Variants in SRGAP1 observed in about 807,000 individuals in gnomAD.
The protein encoded by SRGAP1 is SLIT-ROBO Rho GTPase activating protein 1.
In SRGAP1, 43 loss-of-function variants were observed where a neutral mutation model predicts 121.9. That is an observed-to-expected ratio of 0.35 (90% CI 0.28 to 0.46). The LOEUF (loss-of-function observed/expected upper bound fraction) is 0.46. Among genes scored for constraint, SRGAP1 ranks in the 20% least tolerant of loss-of-function variants. The pLI, the probability that SRGAP1 is intolerant of heterozygous loss-of-function variation, is 1.00. For missense variants in SRGAP1, 1,102 were observed against 1,350.9 expected, an observed-to-expected ratio of 0.82 and a Z score of 2.89; for synonymous variants, 447 against 485.4, an observed-to-expected ratio of 0.92 and a Z score of 1.04.
chr12:63,983,741 GC>G (rs1391181283), intron 1 of SRGAP1: 1 of 148,040 alleles, frequency 6.8e-6, no homozygotes, highest in Non-Finnish European at 1.5e-5. Context: ...CTGCACTCCA[GC>G]CTGGGCAACA....
intron 6 of SRGAP1, among the ~76,000 whole-genome samples, chr12:64,057,983 C>G (rs1565660797): frequency 2.0e-5 from 3 of 152,274 alleles, no homozygotes; most frequent in Non-Finnish European, 4.4e-5. Flanking sequence ...ATGGTAACTC[C>G]TGTTTTAGGA....
At chr12:64,121,035 C>T (rs1592340802) in intron 18 of SRGAP1, among the ~76,000 whole-genome samples, 1 of 133,304 alleles carries the variant, frequency 7.5e-6, no homozygotes, top group South Asian at 2.4e-4. Context: ...TTCTGTGAGA[C>T]AGGGTTTCCA....
intron 17 of SRGAP1, among the ~76,000 whole-genome samples, chr12:64,115,102 C>T (rs1401152189): frequency 6.6e-6 from 1 of 152,054 alleles, no homozygotes; most frequent in Admixed American, 6.6e-5. Flanking sequence ...GGTAAAGATG[C>T]CACAAGCAGT....
chr12:63,928,757 C>T (rs1035492499), intron 1 of SRGAP1, among the ~76,000 whole-genome samples: 2 of 152,078 alleles, frequency 1.3e-5, no homozygotes, highest in Admixed American at 6.5e-5. Flanking sequence ...GAGCCCCGAG[C>T]TTGTTTTCCT....
At position 63,870,836 on chromosome 12, in the gene SRGAP1, A is replaced by G. The variant is rs531428905; in HGVS notation, c.67+25953A>G. Reference sequence around the variant, plus strand: ...ATTCCATTGAGTCCAATGTGTCCCAAAGTGCTGGGATTAGGGATTATAGGA... The same window carrying G: ...ATTCCATTGAGTCCAATGTGTCCCAGAGTGCTGGGATTAGGGATTATAGGA... On this transcript the variant is annotated intron_variant, in intron 1 of 21. Coordinates refer to ENST00000355086, the MANE Select transcript of SRGAP1 (RefSeq NM_020762.4). Among the ~76,000 whole-genome samples the G allele has an allele frequency of 1.2e-4, 19 of 152,204 alleles. No individual in the cohort carries two copies. In the South Asian group the frequency reaches 3.5e-3, roughly 28 times the overall value.
intron 1 of SRGAP1, among the ~76,000 whole-genome samples, chr12:63,860,054 A>G (rs1899394227): frequency 6.6e-6 from 1 of 152,158 alleles, no homozygotes; most frequent in Non-Finnish European, 1.5e-5. Context: ...TGCCCAGGCT[A>G]AAGTGCAGTG....
At chr12:63,851,025 A>G (rs2136253521) in intron 1 of SRGAP1, among the ~76,000 whole-genome samples, 1 of 152,092 alleles carries the variant, frequency 6.6e-6, no homozygotes, top group East Asian at 2.0e-4. Flanking sequence ...GTGTGGTAGC[A>G]TGTATCTATA....
chr12:64,057,906 T>C (rs765419230), intron 6 of SRGAP1, among the ~76,000 whole-genome samples: 3 of 152,192 alleles, frequency 2.0e-5, no homozygotes, highest in Non-Finnish European at 4.4e-5. Context: ...GCAACCCTGG[T>C]GAACGACTGT....
chr12:63,863,463 G>A (rs901453356), intron 1 of SRGAP1, among the ~76,000 whole-genome samples: 1 of 151,908 alleles, frequency 6.6e-6, no homozygotes, highest in Non-Finnish European at 1.5e-5. Context: ...GTAGAGATGG[G>A]GTTTCACCAT....
chr12:63,943,503 G>A (rs1161431590), intron 1 of SRGAP1, among the ~76,000 whole-genome samples: 1 of 152,192 alleles, frequency 6.6e-6, no homozygotes, highest in Non-Finnish European at 1.5e-5. Context: ...TTGAGGCAAA[G>A]GGAAGTTAAA....
intron 14 of SRGAP1, 107 bp downstream of exon 14, chr12:64,095,311 T>G (rs2036133798): frequency 2.2e-6 from 2 of 897,872 alleles, no homozygotes; most frequent in East Asian, 2.5e-5. Flanking sequence ...TTTCTTTGTA[T>G]GTACTGCATT....
At chr12:64,088,608 C>T (rs1034835201) in intron 11 of SRGAP1, among the ~76,000 whole-genome samples, 1 of 152,176 alleles carries the variant, frequency 6.6e-6, no homozygotes, top group African/African-American at 2.4e-5. Flanking sequence ...GCTCTGTTCA[C>T]TTGATGTGGG....
Position 63,947,316 on chromosome 12 carries a change from T to G in SRGAP1, c.68-36631T>G, listed in dbSNP as rs552057397. 1.0e-3 allele frequency among the ~76,000 whole-genome samples: 157 copies of G among 152,316 alleles called. No homozygotes were observed. In the Middle Eastern group the frequency reaches 0.014, roughly 13 times the overall value. ...AACATTTGGTATTGTGGGTCTTAAA[T>G]TTTAGGCAATCTAGTGACTGTGTAT... is the stretch of plus-strand genomic sequence containing the variant. On this transcript the variant is annotated intron_variant, in intron 1 of 21. Transcript: ENST00000355086.
chr12:63,865,954 C>T (rs545392826), intron 1 of SRGAP1, among the ~76,000 whole-genome samples: 2 of 152,228 alleles, frequency 1.3e-5, no homozygotes, highest in East Asian at 1.9e-4. Context: ...TCATCGTTGT[C>T]GGTTGTGGTA....
chr12:63,946,733 C>T (rs1462351875), intron 1 of SRGAP1, among the ~76,000 whole-genome samples: 4 of 151,882 alleles, frequency 2.6e-5, no homozygotes, highest in Non-Finnish European at 5.9e-5. Flanking sequence ...TTAGTAGAGA[C>T]GGGGTTTCTC....
At position 64,144,928 on chromosome 12, in the gene SRGAP1, T is replaced by A. The variant is rs2037027287; in HGVS notation, c.*2256T>A. 7.7e-6 allele frequency: 1 copy of A among 129,364 alleles called. No individual in the cohort carries two copies. 8.0% of individuals were successfully genotyped at this position (129,364 alleles called of 1,614,324 possible). On this transcript the variant is annotated 3_prime_UTR_variant, in exon 22 of 22. Coordinates refer to ENST00000355086, the MANE Select transcript of SRGAP1 (RefSeq NM_020762.4). Reference sequence around the variant, plus strand: ...GGTGCAATCTCGGCTCCCTGCAACCTCCATCTCCCGGGTTCAAGCAATTCT... The same window carrying A: ...GGTGCAATCTCGGCTCCCTGCAACCACCATCTCCCGGGTTCAAGCAATTCT...
chr12:63,848,238 TCA>T (rs1420902554), intron 1 of SRGAP1, among the ~76,000 whole-genome samples: 2 of 151,988 alleles, frequency 1.3e-5, no homozygotes, highest in Non-Finnish European at 2.9e-5. Context: ...ACTCCTGACC[TCA>T]GGTGATCCAC....
At chr12:63,998,896 T>C (rs896468404) in intron 3 of SRGAP1, among the ~76,000 whole-genome samples, 2 of 152,192 alleles carry the variant, frequency 1.3e-5, no homozygotes, top group Non-Finnish European at 2.9e-5. Flanking sequence ...TTTCTTTGTC[T>C]CAGGCATTTG....
chr12:63,987,997 C>T (rs1279556278), intron 2 of SRGAP1, among the ~76,000 whole-genome samples: 1 of 152,160 alleles, frequency 6.6e-6, no homozygotes, highest in Non-Finnish European at 1.5e-5. Flanking sequence ...ATCATTTGCC[C>T]AAGATCTCAT....
Sources: gnomAD v4.1 joint callset for allele counts (sites outside exome capture counted in the v4.1 genomes callset) on GRCh38, gnomAD v4.1.1 for gene constraint, MANE v1.5 for transcripts, NCBI Gene and HGNC (gene_info 2026-07-23, HGNC 2026-07-21) for gene names.